The following SACM1L variants were observed in gnomAD, a reference collection of about 807,000 sequenced individuals.
The protein encoded by SACM1L is phosphatidylinositol-3-phosphatase SAC1.
Under a neutral mutation model 89.5 loss-of-function variants are expected in SACM1L, and 32 were observed. That is an observed-to-expected ratio of 0.36 (90% CI 0.27 to 0.48). The LOEUF (loss-of-function observed/expected upper bound fraction) is 0.48, where lower values mean the gene tolerates loss of function less well. Among genes scored for constraint, SACM1L ranks in the 20% least tolerant of loss-of-function variants. The pLI, the probability that SACM1L is intolerant of heterozygous loss-of-function variation, is 0.99. For missense variants in SACM1L, 543 were observed against 708.5 expected, an observed-to-expected ratio of 0.77 and a Z score of 2.65; for synonymous variants, 213 against 232.8, an observed-to-expected ratio of 0.92 and a Z score of 0.77.
chr3:45,692,442 GC>G (rs1420029727), intron 1 of SACM1L, among the ~76,000 whole-genome samples: 2 of 151,876 alleles, frequency 1.3e-5, no homozygotes, highest in Non-Finnish European at 2.9e-5. Context: ...TCTCACCTCA[GC>G]CCCCAAAGCA....
At chr3:45,690,582 CA>C (rs1006649567) in intron 1 of SACM1L, among the ~76,000 whole-genome samples, 4 of 152,148 alleles carry the variant, frequency 2.6e-5, no homozygotes, top group African/African-American at 9.7e-5. Context: ...GTTAGAGGTG[CA>C]AAATTCAGAG....
At position 45,728,754 on chromosome 3, in the gene SACM1L, T is replaced by A. The variant is rs565997437; in HGVS notation, c.922-2547T>A. Among the ~76,000 whole-genome samples, 90 of 152,296 alleles carry A rather than the reference T, an allele frequency of 5.9e-4. 1 individual carries two copies. The highest frequency in any genetic ancestry group is 1.9e-3 in the African/African-American group (77 of 41,554). Reference sequence around the variant, plus strand: ...GTGGCATGATCATAGCTCTGTGTAATCTTGAACTCCTGGGCTGAAGGAATC... The same window carrying A: ...GTGGCATGATCATAGCTCTGTGTAAACTTGAACTCCTGGGCTGAAGGAATC... On this transcript the variant is annotated intron_variant, in intron 11 of 19. Transcript: ENST00000389061.
rs143157990 is a variant in SACM1L, at chr3:45,737,672, T to C, written c.1309+20T>C. 6,662 of 1,579,418 alleles carry C rather than the reference T, an allele frequency of 4.2e-3. 29 individuals carry two copies. The highest frequency in any genetic ancestry group is 5.4e-3 in the Non-Finnish European group (6,250 of 1,163,194). ...AAAATGGTAGGTCATTTCTTTAATA[T>C]AGACAAAGTTGGTCAGATTTTGAAA... On this transcript the variant is annotated intron_variant, in intron 15 of 19. Coordinates refer to ENST00000389061, the MANE Select transcript of SACM1L (RefSeq NM_014016.5).
At chr3:45,695,646 T>A (rs1235793118) in intron 1 of SACM1L, among the ~76,000 whole-genome samples, 4 of 152,224 alleles carry the variant, frequency 2.6e-5, no homozygotes, top group African/African-American at 9.6e-5. Context: ...AAAATAGTGG[T>A]TTCATTATTT....
At chr3:45,691,896 G>A (rs186213842) in intron 1 of SACM1L, among the ~76,000 whole-genome samples, 1 of 152,084 alleles carries the variant, frequency 6.6e-6, no homozygotes, top group Non-Finnish European at 1.5e-5. Flanking sequence ...CTACTTTCCT[G>A]CTTACAATTT....
intron 8 of SACM1L, among the ~76,000 whole-genome samples, chr3:45,720,890 G>A (rs1461248850): frequency 6.6e-6 from 1 of 152,216 alleles, no homozygotes; most frequent in Non-Finnish European, 1.5e-5. Flanking sequence ...CAGAAAGGAT[G>A]TTAGGAAATA....
chr3:45,722,790 T>C (rs1698817140), intron 9 of SACM1L, 79 bp from the exon 10 acceptor site: 2 of 1,021,916 alleles, frequency 2.0e-6, no homozygotes, highest in South Asian at 2.8e-5. Context: ...TTCATTAATA[T>C]ATACACCCCT....
chr3:45,704,587 A>G (rs1028793699), intron 2 of SACM1L, among the ~76,000 whole-genome samples: 3 of 152,188 alleles, frequency 2.0e-5, no homozygotes, highest in African/African-American at 7.2e-5. Flanking sequence ...TCTTTATACC[A>G]TGTTGATACA....
intron 7 of SACM1L, 90 bp downstream of exon 7, chr3:45,714,169 CATA>C: frequency 1.6e-6 from 1 of 636,552 alleles, no homozygotes; most frequent in Non-Finnish European, 2.5e-6. Flanking sequence ...TCAAATACTC[CATA>C]AGGAGAGTAT....
chr3:45,699,628 G>T (rs956219497), intron 1 of SACM1L, among the ~76,000 whole-genome samples: 6 of 152,076 alleles, frequency 3.9e-5, no homozygotes, highest in African/African-American at 1.4e-4. Flanking sequence ...CCTGGGTTCA[G>T]GCAATTCTCC....
intron 11 of SACM1L, among the ~76,000 whole-genome samples, chr3:45,727,636 G>A (rs1229508739): frequency 6.6e-6 from 1 of 151,814 alleles, no homozygotes; most frequent in Non-Finnish European, 1.5e-5. Flanking sequence ...ATTTATTTTT[G>A]GAGATGGTGT....
At chr3:45,713,712 CT>C in intron 6 of SACM1L, 1 of 174,186 alleles carries the variant, frequency 5.7e-6, no homozygotes, top group Non-Finnish European at 1.2e-5. Context: ...ATTTGCTATG[CT>C]TTTTTTGGAA....
intron 11 of SACM1L, among the ~76,000 whole-genome samples, chr3:45,729,073 G>GATTTATTTATTT (rs201695617): frequency 6.6e-6 from 1 of 151,166 alleles, no homozygotes; most frequent in Non-Finnish European, 1.5e-5. Flanking sequence ...TACCTTTTTG[G>GATTTATTTATTT]ATTTATTTAT....
chr3:45,705,155 T>G lies in SACM1L; in HGVS notation c.151T>G (p.Ser51Ala), dbSNP rs762626033. The G allele has an allele frequency of 6.2e-7, 1 of 1,610,014 alleles. No homozygotes were observed. The highest frequency in any genetic ancestry group is 1.1e-5 in the South Asian group (1 of 90,632). ...TLAVKKDVPP[S>A]AVTRPIFGIL... ...TAAAGTCAAGAAAGATGTTCCTCCT[T>G]CAGCTGTCACAAGACCAATATTTGG... Residue 51 changes from serine to alanine, a missense_variant, in exon 3 of 20, where the codon TCA becomes GCA. By Grantham distance (99) the Ser-to-Ala change is moderately conservative. Transcript: ENST00000389061.
At chr3:45,724,926 C>A (rs1247815579) in intron 11 of SACM1L, among the ~76,000 whole-genome samples, 1 of 152,160 alleles carries the variant, frequency 6.6e-6, no homozygotes, top group African/African-American at 2.4e-5. Flanking sequence ...GTTTTCCCAG[C>A]ACCATTTATA....
chr3:45,700,581 G>A (rs1698242360), intron 1 of SACM1L, among the ~76,000 whole-genome samples: 1 of 152,198 alleles, frequency 6.6e-6, no homozygotes, highest in Admixed American at 6.5e-5. Context: ...AATGCCTGGA[G>A]TCCCCTCTTA....
chr3:45,742,936 C>T (rs1334559227), intron 19 of SACM1L: 1 of 152,246 alleles, frequency 6.6e-6, no homozygotes, highest in East Asian at 1.9e-4. Flanking sequence ...AGCCACTGCA[C>T]TCTAGCCTGG....
chr3:45,721,954 C>A, intron 8 of SACM1L, 46 bp from the exon 9 acceptor site: 1 of 1,315,382 alleles, frequency 7.6e-7, no homozygotes, highest in Non-Finnish European at 1.1e-6. Context: ...TGATGTGTTT[C>A]TTTGTGTAAT....
intron 4 of SACM1L, among the ~76,000 whole-genome samples, chr3:45,708,597 TATATCA>T (rs1214025557): frequency 6.6e-6 from 1 of 152,010 alleles, no homozygotes; most frequent in Non-Finnish European, 1.5e-5. Flanking sequence ...TCAAGAAATA[TATATCA>T]ATATCTTCAT....
Sources: allele counts gnomAD v4.1 joint callset (sites outside exome capture counted in the v4.1 genomes callset), GRCh38; gene constraint gnomAD v4.1.1; transcripts MANE v1.5; gene names NCBI Gene and HGNC (gene_info 2026-07-23, HGNC 2026-07-21).